Variants in RIMBP2 observed in about 807,000 individuals in gnomAD.
The protein encoded by RIMBP2 is RIMS binding protein 2, also known as RIMS-binding protein 2.
A neutral mutation model predicts 118.6 loss-of-function variants in RIMBP2; 48 were observed. The observed-to-expected ratio is 0.40, with a 90% CI of 0.32 to 0.51. The LOEUF (loss-of-function observed/expected upper bound fraction) is 0.51. Among genes scored for constraint, RIMBP2 ranks in the 20% least tolerant of loss-of-function variants. The pLI is 0.41. For missense variants in RIMBP2, 1,551 were observed against 1,768.3 expected (o/e 0.88, Z 2.20); for synonymous variants, 762 against 742.9 (o/e 1.03, Z -0.42).
At chr12:130,473,813 A>C (rs988454640) in intron 5 of RIMBP2, among the ~76,000 whole-genome samples, 1 of 152,140 alleles carries the variant, frequency 6.6e-6, no homozygotes, top group South Asian at 2.1e-4. Context: ...TCCACACACA[A>C]CTGAGGCCGA....
chr12:130,535,738 CATATATATATATATATAT>C (rs55887629), intron 2 of RIMBP2, among the ~76,000 whole-genome samples: 4 of 66,742 alleles, frequency 6.0e-5, no homozygotes, highest in South Asian at 7.6e-4. Flanking sequence ...CATATATATA[CATATATATATATATATAT>C]ATATATATAT....
chr12:130,412,427 C>A (rs1037133154), intron 19 of RIMBP2, among the ~76,000 whole-genome samples, 192 bp downstream of exon 19: 4 of 152,220 alleles, frequency 2.6e-5, no homozygotes, highest in African/African-American at 9.6e-5. Flanking sequence ...CTAAAGCACA[C>A]AGGAGACTAC....
At chr12:130,690,380 C>T (rs2065258604) in intron 1 of RIMBP2, among the ~76,000 whole-genome samples, 1 of 152,138 alleles carries the variant, frequency 6.6e-6, no homozygotes, top group Non-Finnish European at 1.5e-5. Context: ...TTCCTGCTGC[C>T]CGAGAACCTG....
intron 1 of RIMBP2, among the ~76,000 whole-genome samples, chr12:130,639,943 T>A (rs1182233160): frequency 6.6e-6 from 1 of 152,152 alleles, no homozygotes. Context: ...CTCCATAAAT[T>A]CCTGACATAT....
At position 130,683,457 on chromosome 12, in the gene RIMBP2, C is replaced by T. The variant is rs1480996964; in HGVS notation, c.-352+32765G>A. Reference sequence around the variant, plus strand: ...CAATGAATGAACTAGGAAATAAATTCTCTGGTGGTATTGTCAGAGGCATGT... The same window carrying T: ...CAATGAATGAACTAGGAAATAAATTTTCTGGTGGTATTGTCAGAGGCATGT... On this transcript the variant is annotated intron_variant, in intron 1 of 22. Coordinates refer to ENST00000690449, the MANE Select transcript of RIMBP2 (RefSeq NM_001393629.1). This position sits in a 1 kb window ranked among gnomAD's most constrained non-coding sequence, Gnocchi z 4.4. 1.3e-5 allele frequency among the ~76,000 whole-genome samples: 2 copies of T among 152,194 alleles called. No individual in the cohort carries two copies. Among genetic ancestry groups the T allele is most frequent in the Non-Finnish European group, 2.9e-5 (2 of 68,040 alleles).
intron 14 of RIMBP2, among the ~76,000 whole-genome samples, chr12:130,432,530 T>G (rs1007932392): frequency 6.6e-6 from 1 of 152,182 alleles, no homozygotes; most frequent in Non-Finnish European, 1.5e-5. Context: ...TGACTTTATT[T>G]GGAGATGAGC....
rs887129114 is a variant in RIMBP2 at position 130,434,670 on chromosome 12, C to G, written c.2253+64G>C. ...GGAAAGTGCCCATGTCTCTTGATCT[C>G]CACGGGGCCCGCTCCGAGCCCGCGC... On this transcript the variant is annotated intron_variant, in intron 14 of 22. Transcript: ENST00000690449. This position sits in a 1 kb window ranked among gnomAD's most constrained non-coding sequence, Gnocchi z 5.7. 37 of 1,538,410 alleles carry G rather than the reference C, an allele frequency of 2.4e-5. No homozygotes were observed. Among genetic ancestry groups the G allele is most frequent in the Non-Finnish European group, 3.0e-5 (34 of 1,144,998 alleles).
intron 2 of RIMBP2, among the ~76,000 whole-genome samples, chr12:130,528,670 T>C (rs1258067219): frequency 2.0e-5 from 3 of 152,252 alleles, no homozygotes; most frequent in African/African-American, 7.2e-5. Context: ...ATGCATACTC[T>C]GACTTCCAAG....
At chr12:130,538,862 G>A (rs948066957) in intron 2 of RIMBP2, among the ~76,000 whole-genome samples, 3 of 151,022 alleles carry the variant, frequency 2.0e-5, no homozygotes, top group Non-Finnish European at 2.9e-5. Context: ...CCTGGGGATC[G>A]GGTGGTGGCC....
At chr12:130,438,141 G>C (rs983924203) in intron 12 of RIMBP2, among the ~76,000 whole-genome samples, 1 of 152,200 alleles carries the variant, frequency 6.6e-6, no homozygotes, top group Non-Finnish European at 1.5e-5. Context: ...TTAATCCAGA[G>C]CAGAGCAGGG....
At position 130,517,857 on chromosome 12, in the gene RIMBP2, G is replaced by A. The variant is rs1269835839; in HGVS notation, c.-156C>T. The A allele has an allele frequency of 1.0e-6, 1 of 985,660 alleles. No individual in the cohort carries two copies. Among genetic ancestry groups the A allele is most frequent in the Non-Finnish European group, 1.2e-6 (1 of 829,896 alleles). The allele number at this position is 985,660 out of a possible 1,614,324, so 61.1% of individuals were successfully genotyped here. A position where few individuals can be genotyped will look rare whatever the true frequency, so the allele number is the denominator to read the frequency against. On this transcript the variant is annotated 5_prime_UTR_variant, in exon 3 of 23. Transcript: ENST00000690449. ...TCATGCTGCCGGGCCCTTGTGGGAA[G>A]GCCTGCATGATGGGATCTCAGGAGA...
chr12:130,503,183 G>A (rs1027701009), intron 4 of RIMBP2, among the ~76,000 whole-genome samples: 4 of 151,696 alleles, frequency 2.6e-5, no homozygotes, highest in Non-Finnish European at 5.9e-5. Flanking sequence ...CTTAAAGTCA[G>A]GAGTTCAAAA....
intron 1 of RIMBP2, among the ~76,000 whole-genome samples, chr12:130,656,836 G>C (rs1013993612): frequency 2.0e-5 from 3 of 152,164 alleles, no homozygotes; most frequent in African/African-American, 4.8e-5. Context: ...TTGAGCCTGG[G>C]GGGAGGAGGT....
At chr12:130,593,067 TCAAA>T (rs1204515790) in intron 2 of RIMBP2, among the ~76,000 whole-genome samples, 1 of 152,168 alleles carries the variant, frequency 6.6e-6, no homozygotes, top group African/African-American at 2.4e-5. Flanking sequence ...GCTCAGTTCC[TCAAA>T]CAAACTAGGC....
chr12:130,430,223 C>T (rs2136921257), intron 14 of RIMBP2: 1 of 152,408 alleles, frequency 6.6e-6, no homozygotes, highest in Middle Eastern at 3.4e-3. Flanking sequence ...TAACCTTAGA[C>T]ACTCTACTTG....
intron 1 of RIMBP2, among the ~76,000 whole-genome samples, chr12:130,702,306 C>T (rs2065889532): frequency 6.6e-6 from 1 of 151,902 alleles, no homozygotes; most frequent in African/African-American, 2.4e-5. Flanking sequence ...CACCTGAGGT[C>T]GGGAGTTCGA....
chr12:130,534,573 G>C (rs1307111735), intron 2 of RIMBP2, among the ~76,000 whole-genome samples: 1 of 152,228 alleles, frequency 6.6e-6, no homozygotes, highest in Non-Finnish European at 1.5e-5. Context: ...AAGTGTGAGA[G>C]TCCCCATGGC....
chr12:130,672,254 T>C (rs2064234151), intron 1 of RIMBP2, among the ~76,000 whole-genome samples: 1 of 152,264 alleles, frequency 6.6e-6, no homozygotes, highest in Non-Finnish European at 1.5e-5. Flanking sequence ...AAGATAAATA[T>C]GTGCTCTTGG....
intron 11 of RIMBP2, 97 bp from the exon 12 acceptor site, chr12:130,438,613 T>C (rs942712142): frequency 8.4e-7 from 1 of 1,187,308 alleles, no homozygotes; most frequent in Non-Finnish European, 1.2e-6. Flanking sequence ...AACGAGATCA[T>C]TCGGTAAAGT....
Sources: allele counts gnomAD v4.1 joint callset (sites outside exome capture counted in the v4.1 genomes callset), GRCh38; gene constraint gnomAD v4.1.1; non-coding constraint Gnocchi (gnomAD v3.1); transcripts MANE v1.5; gene names NCBI Gene and HGNC (gene_info 2026-07-23, HGNC 2026-07-21).